Variants in ADAMTSL1 observed in about 807,000 individuals in gnomAD.
The protein encoded by ADAMTSL1 is ADAMTS like 1, also known as ADAMTS-like protein 1.
In ADAMTSL1, 126 loss-of-function variants were observed where a neutral mutation model predicts 201.8. The ratio of observed to expected loss-of-function variants is 0.62; its 90% confidence interval spans 0.54 to 0.72. The LOEUF is 0.72. Ranked by LOEUF, ADAMTSL1 falls within the 30% of genes least tolerant of loss-of-function variation. ADAMTSL1 has a pLI of 0.00. For missense variants in ADAMTSL1, 2,679 were observed against 2,277.8 expected (o/e 1.18, Z -3.59); for synonymous variants, 1,121 against 903.4 (o/e 1.24, Z -4.32).
At chr9:18,235,188 A>C (rs1465538193) in intron 2 of ADAMTSL1, among the ~76,000 whole-genome samples, 1 of 152,052 alleles carries the variant, frequency 6.6e-6, no homozygotes, top group East Asian at 1.9e-4. Flanking sequence ...AGATTCTCCG[A>C]TTTTCATTGA....
At chr9:17,915,093 T>C (rs1826044670) in intron 1 of ADAMTSL1, among the ~76,000 whole-genome samples, 1 of 152,224 alleles carries the variant, frequency 6.6e-6, no homozygotes, top group African/African-American at 2.4e-5. Context: ...GTTTAAAGTA[T>C]ACAATTTGAT....
intron 2 of ADAMTSL1, among the ~76,000 whole-genome samples, chr9:18,346,483 G>A (rs530537489): frequency 1.1e-4 from 17 of 152,236 alleles, no homozygotes; most frequent in Middle Eastern, 3.4e-3. Context: ...CTGTAAAGTA[G>A]GAATCAAATC....
intron 2 of ADAMTSL1, among the ~76,000 whole-genome samples, chr9:18,520,206 G>C (rs980272055): frequency 6.6e-6 from 1 of 152,202 alleles, no homozygotes; most frequent in African/African-American, 2.4e-5. Flanking sequence ...TCAAAAATCT[G>C]TAAAAGTGCA....
chr9:18,088,468 A>G (rs907669018), intron 1 of ADAMTSL1, among the ~76,000 whole-genome samples: 3 of 152,214 alleles, frequency 2.0e-5, no homozygotes, highest in East Asian at 3.8e-4. Flanking sequence ...CAACTTAAGG[A>G]AAGGTAGAAA....
At chr9:17,971,024 C>A (rs1405208606) in intron 1 of ADAMTSL1, among the ~76,000 whole-genome samples, 1 of 152,034 alleles carries the variant, frequency 6.6e-6, no homozygotes, top group African/African-American at 2.4e-5. Context: ...GTTATTGTTA[C>A]ATAAATATCT....
chr9:18,679,702 C>T (rs1013618080), intron 10 of ADAMTSL1, among the ~76,000 whole-genome samples: 1 of 152,136 alleles, frequency 6.6e-6, no homozygotes. Context: ...CGCTTCTGCT[C>T]CTCAGCTTAA....
chr9:18,492,493 A>T (rs759935528), intron 1 of ADAMTSL1, among the ~76,000 whole-genome samples: 8 of 152,224 alleles, frequency 5.3e-5, no homozygotes, highest in Non-Finnish European at 1.2e-4. Flanking sequence ...AGAAAGTCCC[A>T]GCAGAGATTC....
At chr9:18,471,465 A>G (rs1821208228), upstream of ADAMTSL1, among the ~76,000 whole-genome samples, 1 of 152,206 alleles carries the variant, frequency 6.6e-6, no homozygotes, top group Non-Finnish European at 1.5e-5. Flanking sequence ...GTCAAATGAG[A>G]TCATAAATGT....
At chr9:18,099,355 A>ATATATATATATATATATTT (rs1239180390) in intron 1 of ADAMTSL1, among the ~76,000 whole-genome samples, 1 of 45,546 alleles carries the variant, frequency 2.2e-5, no homozygotes, top group Non-Finnish European at 4.1e-5. Flanking sequence ...ATATATATAT[A>ATATATATATATATATATTT]TTTTTTTTTT....
intron 1 of ADAMTSL1, among the ~76,000 whole-genome samples, chr9:18,032,600 C>T (rs1821013435): frequency 6.6e-6 from 1 of 152,130 alleles, no homozygotes; most frequent in South Asian, 2.1e-4. Flanking sequence ...GCAGGGGCTG[C>T]AGCCAGTCAG....
intron 2 of ADAMTSL1, among the ~76,000 whole-genome samples, chr9:18,402,799 G>C (rs1449724780): frequency 6.6e-6 from 1 of 152,150 alleles, no homozygotes; most frequent in Non-Finnish European, 1.5e-5. Context: ...CCTGGAATTA[G>C]GGACTTCTAG....
chr9:18,297,355 C>CA (rs1563867628), intron 2 of ADAMTSL1, among the ~76,000 whole-genome samples: 1 of 150,804 alleles, frequency 6.6e-6, no homozygotes. Flanking sequence ...TAACTTTTTT[C>CA]TTTTTTTCTT....
In ADAMTSL1 at chr9:18,706,893, C is replaced by T; in HGVS notation, c.1721C>T (p.Ser574Phe). The T allele has an allele frequency of 1.9e-6, 3 of 1,613,968 alleles. No individual in the cohort carries two copies. Among genetic ancestry groups the T allele is most frequent in the Non-Finnish European group, 1.7e-6 (2 of 1,179,880 alleles). ...GAGTGTGAAGGGCCCAAGCCAGCAT[C>T]CCAGCGTGCCTGTTATGCAGGCCCA... ...IDECEGPKPA[S>F]QRACYAGPCS... Residue 574 changes from serine (S) to phenylalanine (F), a missense_variant, in exon 14 of 29, where the codon TCC becomes TTC. Physicochemically the swap from Ser to Phe is radical, Grantham distance 155. Coordinates refer to ENST00000380548, the MANE Select transcript of ADAMTSL1 (RefSeq NM_001040272.6).
chr9:18,838,903 A>C (rs1470613376), intron 23 of ADAMTSL1, among the ~76,000 whole-genome samples: 1 of 151,694 alleles, frequency 6.6e-6, no homozygotes, highest in African/African-American at 2.4e-5. Context: ...AAAACCTAAA[A>C]TATGTAATTA....
chr9:18,408,656 T>A (rs1438120477), intron 2 of ADAMTSL1, among the ~76,000 whole-genome samples: 2 of 152,166 alleles, frequency 1.3e-5, no homozygotes, highest in Non-Finnish European at 2.9e-5. Flanking sequence ...GAAACAAAAG[T>A]ATGTTCAGTT....
intron 1 of ADAMTSL1, among the ~76,000 whole-genome samples, chr9:18,486,292 G>T (rs897890480): frequency 6.6e-6 from 1 of 152,222 alleles, no homozygotes; most frequent in Non-Finnish European, 1.5e-5. Flanking sequence ...AGAACTTTCT[G>T]TCATTCAGCA....
At chr9:18,643,687 C>G (rs1827591978) in intron 7 of ADAMTSL1, among the ~76,000 whole-genome samples, 1 of 151,900 alleles carries the variant, frequency 6.6e-6, no homozygotes, top group Non-Finnish European at 1.5e-5. Context: ...AATCAATTGG[C>G]CTTAAATTTC....
intron 1 of ADAMTSL1, among the ~76,000 whole-genome samples, chr9:18,018,381 T>A (rs558845023): frequency 7.0e-4 from 106 of 152,122 alleles, no homozygotes; most frequent in Non-Finnish European, 1.3e-3. Context: ...TTCATGCCCT[T>A]CTGTAATCCC....
At chr9:18,185,941 T>C (rs1828713816) in intron 2 of ADAMTSL1, among the ~76,000 whole-genome samples, 1 of 152,194 alleles carries the variant, frequency 6.6e-6, no homozygotes, top group African/African-American at 2.4e-5. Flanking sequence ...TAAAATTTAC[T>C]CTAGGATTAA....
Sources: allele counts gnomAD v4.1 joint callset (sites outside exome capture counted in the v4.1 genomes callset), GRCh38; gene constraint gnomAD v4.1.1; transcripts MANE v1.5; gene names NCBI Gene and HGNC (gene_info 2026-07-23, HGNC 2026-07-21).